Variants in FLT3 observed in about 807,000 individuals in gnomAD.
FLT3 encodes fms related receptor tyrosine kinase 3, also known as receptor-type tyrosine-protein kinase FLT3.
Under a neutral mutation model 126.6 loss-of-function variants are expected in FLT3, and 46 were observed. The ratio of observed to expected loss-of-function variants is 0.36; its 90% confidence interval spans 0.29 to 0.46. The LOEUF (loss-of-function observed/expected upper bound fraction) is 0.46. Ranked by LOEUF, FLT3 falls within the 20% of genes least tolerant of loss-of-function variation. The probability of loss-of-function intolerance (pLI) is 1.00; values close to 1 mark genes in which losing one functional copy is unlikely to be tolerated. For synonymous variants in FLT3, 404 were observed against 434.4 expected (o/e 0.93, Z 0.87); for missense variants, 1,069 against 1,190.3 (o/e 0.90, Z 1.50).
At chr13:28,078,666 A>G (rs1482815346) in intron 1 of FLT3, among the ~76,000 whole-genome samples, 1 of 151,998 alleles carries the variant, frequency 6.6e-6, no homozygotes, top group Non-Finnish European at 1.5e-5. Context: ...AACTTATGCA[A>G]ATTTCTGCAG....
At chr13:28,085,066 C>G (rs1878571413) in intron 1 of FLT3, among the ~76,000 whole-genome samples, 1 of 151,524 alleles carries the variant, frequency 6.6e-6, no homozygotes, top group South Asian at 2.1e-4. Flanking sequence ...GATGTGCAAG[C>G]CGGGGCGGTG....
chr13:28,051,529 G>A (rs1198595923), intron 5 of FLT3, among the ~76,000 whole-genome samples: 1 of 144,890 alleles, frequency 6.9e-6, no homozygotes, highest in Non-Finnish European at 1.5e-5. Flanking sequence ...GAGCCACTGT[G>A]CCCAGCCTAT....
At chr13:28,024,776 T>TTTACA (rs1872663685) in intron 18 of FLT3, 85 bp downstream of exon 18, 1 of 964,560 alleles carries the variant, frequency 1.0e-6, no homozygotes, top group African/African-American at 1.6e-5. Context: ...TGCTTTTGTG[T>TTTACA]TTACACACTT....
At position 28,005,197 on chromosome 13, in the gene FLT3, C is replaced by T. The variant is rs568532906; in HGVS notation, c.2860-1023G>A. Among the ~76,000 whole-genome samples the T allele has an allele frequency of 8.5e-5, 13 of 152,178 alleles. 1 individual carries two copies. The highest frequency in any genetic ancestry group is 2.1e-4 in the South Asian group (1 of 4,826). On this transcript the variant is annotated intron_variant, in intron 23 of 23. Transcript: ENST00000241453. ...ATACAAAACTAGCCGGGCATGGCGGCGCGCGCCTGCAGTCCCAGCTACTTG... is the reference window on the plus strand; with the variant it reads ...ATACAAAACTAGCCGGGCATGGCGGTGCGCGCCTGCAGTCCCAGCTACTTG...
At chr13:28,052,856 T>C (rs776611819) in intron 4 of FLT3, among the ~76,000 whole-genome samples, 182 bp from the exon 5 acceptor site, 19 of 152,216 alleles carry the variant, frequency 1.2e-4, no homozygotes, top group Non-Finnish European at 2.5e-4. Context: ...TAGCTGTGGC[T>C]GCAGTGTCAA....
rs192094554 is a variant in FLT3 at position 28,067,766 on chromosome 13, G to A, written c.165+2725C>T. On this transcript the variant is annotated intron_variant, in intron 2 of 23. Coordinates refer to ENST00000241453, the MANE Select transcript of FLT3 (RefSeq NM_004119.3). ...GCTGTGAAAAGTCCAGAGAAAGCACGTAAAATGATCCATCACACAAAGTCC... is the reference window on the plus strand; with the variant it reads ...GCTGTGAAAAGTCCAGAGAAAGCACATAAAATGATCCATCACACAAAGTCC... 19 of 171,060 alleles carry A rather than the reference G, an allele frequency of 1.1e-4. 1 individual carries two copies. The South Asian group carries it at 1.8e-3, about 17-fold the overall frequency. 10.6% of individuals were successfully genotyped at this position (171,060 alleles called of 1,614,324 possible). A position where few individuals can be genotyped will look rare whatever the true frequency, so the allele number is the denominator to read the frequency against.
intron 1 of FLT3, among the ~76,000 whole-genome samples, chr13:28,084,158 AT>A (rs1173331379): frequency 4.0e-5 from 6 of 150,054 alleles, no homozygotes; most frequent in Admixed American, 6.6e-5. Flanking sequence ...CGTCTCCCTA[AT>A]TTTTTTTTAT....
chr13:28,024,946 A>G lies in FLT3; in HGVS notation c.2208-3T>C. 6.3e-7 allele frequency: 1 copy of G among 1,597,498 alleles called. No individual in the cohort carries two copies. The highest frequency in any genetic ancestry group is 1.1e-5 in the South Asian group (1 of 87,532). ...GAACTTCTCTTGAACCAGGCATGCT[A>G]TTAAAAAATTTTGTTTTTTCATTAT... On this transcript the variant is annotated splice_polypyrimidine_tract_variant and splice_region_variant and intron_variant, in intron 17 of 23. Coordinates refer to ENST00000241453, the MANE Select transcript of FLT3 (RefSeq NM_004119.3).
chr13:28,059,333 C>T (rs1222547420), intron 3 of FLT3, among the ~76,000 whole-genome samples: 1 of 152,152 alleles, frequency 6.6e-6, no homozygotes, highest in Non-Finnish European at 1.5e-5. Context: ...AGGACAGCCA[C>T]AAGAATGTAA....
At position 28,033,945 on chromosome 13, in the gene FLT3, T is replaced by C. The variant is rs2137673015; in HGVS notation, c.1884A>G (p.Thr628=). ...SGAFGKVMNA[T]AYGISKTGVS... ...CTCCTGTTTTGCTAATTCCATAAGC[T>C]GTTGCGTTCATCACTTTTCCAAAAG... Residue 628 remains threonine, a synonymous_variant, in exon 15 of 24, where the codon ACA becomes ACG. Transcript: ENST00000241453. 2 of 1,614,236 alleles carry C rather than the reference T, an allele frequency of 1.2e-6. No individual in the cohort carries two copies. The highest frequency in any genetic ancestry group is 1.7e-6 in the Non-Finnish European group (2 of 1,180,042).
At chr13:28,015,351 C>T in intron 21 of FLT3, 95 bp from the exon 22 acceptor site, 1 of 914,732 alleles carries the variant, frequency 1.1e-6, no homozygotes, top group Non-Finnish European at 1.8e-6. Context: ...CTGCCATGTG[C>T]CAGACACTGT....
chr13:28,024,236 A>T (rs1413943605), intron 18 of FLT3, among the ~76,000 whole-genome samples: 1 of 151,548 alleles, frequency 6.6e-6, no homozygotes, highest in Non-Finnish European at 1.5e-5. Context: ...GGTTCAAGCA[A>T]TCCTCCTGCC....
intron 3 of FLT3, among the ~76,000 whole-genome samples, chr13:28,060,578 G>T (rs1223790493): frequency 7.7e-6 from 1 of 130,690 alleles, no homozygotes; most frequent in Non-Finnish European, 1.6e-5. Flanking sequence ...GTGTCTGTGT[G>T]TATAGGTTTA....
intron 23 of FLT3, 45 bp from the exon 24 acceptor site, chr13:28,004,219 G>T (rs1157191089): frequency 1.3e-6 from 2 of 1,599,506 alleles, no homozygotes; most frequent in Non-Finnish European, 1.7e-6. Flanking sequence ...ATCTGATGTA[G>T]ATGCACATGT....
chr13:28,029,627 A>G (rs915285723), intron 15 of FLT3, among the ~76,000 whole-genome samples: 59 of 152,326 alleles, frequency 3.9e-4, no homozygotes, highest in African/African-American at 1.2e-3. Flanking sequence ...TTGTAGTCAG[A>G]GAGAGATAAC....
chr13:28,090,371 A>G (rs1215624253), intron 1 of FLT3, among the ~76,000 whole-genome samples: 2 of 152,152 alleles, frequency 1.3e-5, no homozygotes, highest in African/African-American at 2.4e-5. Context: ...AAATGTCTAT[A>G]TCTTGGTAGT....
At chr13:28,093,747 A>AAAT (rs1234613440) in intron 1 of FLT3, among the ~76,000 whole-genome samples, 34 of 152,260 alleles carry the variant, frequency 2.2e-4, no homozygotes, top group Non-Finnish European at 5.9e-5. Context: ...AGGTTCAGCC[A>AAAT]CTGTGCATAT....
At chr13:28,068,601 G>A (rs1386568210) in intron 2 of FLT3, among the ~76,000 whole-genome samples, 1 of 152,094 alleles carries the variant, frequency 6.6e-6, no homozygotes, top group East Asian at 1.9e-4. Flanking sequence ...ACTTTGGGAG[G>A]CCAAGGCAGG....
intron 15 of FLT3, among the ~76,000 whole-genome samples, chr13:28,029,796 G>A (rs1266084752): frequency 2.0e-5 from 3 of 152,210 alleles, no homozygotes; most frequent in African/African-American, 4.8e-5. Context: ...CTGCCAAGCA[G>A]GCTAGAACAT....
Sources: allele counts gnomAD v4.1 joint callset (sites outside exome capture counted in the v4.1 genomes callset), GRCh38; gene constraint gnomAD v4.1.1; transcripts MANE v1.5; gene names NCBI Gene and HGNC (gene_info 2026-07-23, HGNC 2026-07-21).